EEF1B2: variants seen among roughly 807,000 people sequenced by gnomAD.
EEF1B2 encodes elongation factor 1-beta.
In EEF1B2, 12 loss-of-function variants were observed where a neutral mutation model predicts 28.3. The observed-to-expected ratio is 0.42, with a 90% CI of 0.27 to 0.69. The LOEUF (loss-of-function observed/expected upper bound fraction) is 0.69. Ranked by LOEUF, EEF1B2 falls within the 30% of genes least tolerant of loss-of-function variation. The pLI, the probability that EEF1B2 is intolerant of heterozygous loss-of-function variation, is 0.22. For missense variants in EEF1B2, 234 were observed against 272.6 expected, an observed-to-expected ratio of 0.86 and a Z score of 1.00; for synonymous variants, 83 against 99.9, an observed-to-expected ratio of 0.83 and a Z score of 1.01.
rs1208368398 is a variant in EEF1B2, at chr2:206,160,660, T to C, written c.153T>C (p.His51=). Residue 51 remains histidine, a synonymous_variant, in exon 2 of 6, where the codon CAT becomes CAC. Coordinates refer to ENST00000392222, the MANE Select transcript of EEF1B2 (RefSeq NM_001959.4). ...VSSPPPADLC[H]ALRWYNHIKS... ...GCCCACCGCCTGCCGACTTGTGTCA[T>C]GCCCTACGTTGGTATAATCACATCA... 6.2e-7 allele frequency: 1 copy of C among 1,614,032 alleles called. No homozygotes were observed. The highest frequency in any genetic ancestry group is 8.5e-7 in the Non-Finnish European group (1 of 1,180,042).
In EEF1B2 at chr2:206,160,070, G is replaced by C. The variant is rs758995000; in HGVS notation, c.80+11G>C. 1.9e-6 allele frequency: 3 copies of C among 1,609,814 alleles called. No individual in the cohort carries two copies. Among genetic ancestry groups the C allele is most frequent in the African/African-American group, 1.3e-5 (1 of 74,332 alleles). The stretch of plus-strand genomic sequence containing the variant: ...GAGCTACATCGAGGGGTGAGCGGAC[G>C]GGCTGAGTCGGGGTGGCGGGGAGGT... On this transcript the variant is annotated intron_variant, in intron 1 of 5. Transcript: ENST00000392222.
intron 3 of EEF1B2, 200 bp from the exon 4 acceptor site, chr2:206,161,838 G>T: frequency 1.4e-6 from 1 of 735,162 alleles, no homozygotes. Context: ...GCCTGGATTT[G>T]AATCCTGGCT....
rs368908316 is a variant in EEF1B2, at chr2:206,160,038, C to A, written c.59C>A (p.Ala20Glu). ...AGLQVLNDYL[A>E]DKSYIEGYVP... ...CTCCAGGTGCTCAACGATTACCTGG[C>A]GGACAAGAGCTACATCGAGGGGTGA... The change falls in exon 1 of 6, where the codon GCG becomes GAG. Residue 20 changes from alanine (A) to glutamate (E), a missense_variant. Around this residue, in one of 2 missense-constraint regions of EEF1B2, gnomAD observed 178 missense variants for 173.3 expected, o/e 1.03. Transcript: ENST00000392222. 33 of 1,613,164 alleles carry A rather than the reference C, an allele frequency of 2.0e-5. No homozygotes were observed. The highest frequency in any genetic ancestry group is 1.1e-4 in the South Asian group (10 of 91,038).
intron 4 of EEF1B2, 132 bp downstream of exon 4, chr2:206,162,236 C>G: frequency 9.1e-7 from 1 of 1,100,916 alleles, no homozygotes; most frequent in Non-Finnish European, 1.4e-6. Flanking sequence ...TCTTCCACAG[C>G]TACTGGTCTG....
rs755528110 is a variant in EEF1B2, at chr2:206,160,597, A to G, written c.90A>G (p.Pro30=). 5 of 1,614,066 alleles carry G rather than the reference A, an allele frequency of 3.1e-6. No individual in the cohort carries two copies. Among genetic ancestry groups the G allele is most frequent in the Non-Finnish European group, 4.2e-6 (5 of 1,180,012 alleles). ...TCTGTGTCCTTGGCAGGTATGTGCC[A>G]TCACAAGCAGATGTGGCAGTATTTG... The part of the protein sequence containing the change: ...ADKSYIEGYV[P]SQADVAVFEA... Residue 30 remains proline (P), a synonymous_variant, in exon 2 of 6, where the codon CCA becomes CCG. Coordinates refer to ENST00000392222, the MANE Select transcript of EEF1B2 (RefSeq NM_001959.4).
At chr2:206,160,162 G>GC (rs113729178) in intron 1 of EEF1B2, 103 bp downstream of exon 1, 1,411,046 of 1,411,166 alleles carry the variant, frequency 1, 705,463 homozygotes, top group Admixed American at 1. Context: ...GGGAGGCCGG[G>GC]CCCGGGGCCC....
At chr2:206,162,221 C>A in intron 4 of EEF1B2, 117 bp downstream of exon 4, 3 of 1,162,704 alleles carry the variant, frequency 2.6e-6, no homozygotes, top group Non-Finnish European at 3.9e-6. Context: ...AAAACCTGTA[C>A]AGGTTCTTCC....
chr2:206,159,680 T>G, upstream of EEF1B2: 1 of 271,188 alleles, frequency 3.7e-6, no homozygotes, highest in Non-Finnish European at 7.0e-6. Flanking sequence ...TCGGGAGCCG[T>G]GGAGGTACGA....
At chr2:206,159,892 G>T, upstream of EEF1B2, 2 of 1,474,094 alleles carry the variant, frequency 1.4e-6, no homozygotes, top group Non-Finnish European at 9.2e-7. Flanking sequence ...GGTCTCTTCG[G>T]GTCCTTTTTC....
intron 3 of EEF1B2, 43 bp downstream of exon 3, chr2:206,161,515 G>A (rs373447141): frequency 5.8e-5 from 93 of 1,607,574 alleles, no homozygotes; most frequent in Non-Finnish European, 7.6e-5. Context: ...AGGCGCAGTG[G>A]CTCATGCCTG....
intron 2 of EEF1B2, 65 bp downstream of exon 2, chr2:206,160,775 A>G (rs1687901758): frequency 1.2e-6 from 2 of 1,612,454 alleles, no homozygotes; most frequent in South Asian, 1.1e-5. Flanking sequence ...GGATGTTCAC[A>G]TGACAAAACT....
intron 1 of EEF1B2, 124 bp downstream of exon 1, chr2:206,160,183 G>A: frequency 7.9e-7 from 1 of 1,264,368 alleles, no homozygotes; most frequent in Non-Finnish European, 1.1e-6. Context: ...TTTCGAGAGG[G>A]AGGGGAAAGC....
At position 206,160,675 on chromosome 2, in the gene EEF1B2, T is replaced by C. The variant is rs747365373; in HGVS notation, c.168T>C (p.Tyr56=). 5.0e-6 allele frequency: 8 copies of C among 1,613,992 alleles called. No individual in the cohort carries two copies. The highest frequency in any genetic ancestry group is 5.9e-6 in the Non-Finnish European group (7 of 1,180,036). ...PADLCHALRW[Y]NHIKSYEKEK... The stretch of plus-strand genomic sequence containing the variant: ...ACTTGTGTCATGCCCTACGTTGGTA[T>C]AATCACATCAAGTCTTACGAAAAGG... Residue 56 remains tyrosine (Y), a synonymous_variant, in exon 2 of 6, where the codon TAT becomes TAC. Coordinates refer to ENST00000392222, the MANE Select transcript of EEF1B2 (RefSeq NM_001959.4).
At chr2:206,162,678 C>T in intron 5 of EEF1B2, 51 bp from the exon 6 acceptor site, 2 of 1,562,736 alleles carry the variant, frequency 1.3e-6, no homozygotes, top group Non-Finnish European at 8.6e-7. Flanking sequence ...ACAGTTTCAA[C>T]CTTTCCTACA....
At position 206,161,567 on chromosome 2, in the gene EEF1B2, G is replaced by C. The variant is rs961014772; in HGVS notation, c.330+95G>C. Reference sequence around the variant, plus strand: ...GGAGGCTGAGGCGGGTGGATCACGAGGTCAGGAGTTGAAGACCAGCCTGGC... The same window carrying C: ...GGAGGCTGAGGCGGGTGGATCACGACGTCAGGAGTTGAAGACCAGCCTGGC... On this transcript the variant is annotated intron_variant, in intron 3 of 5. Transcript: ENST00000392222. 5.2e-6 allele frequency: 8 copies of C among 1,538,298 alleles called. No individual in the cohort carries two copies. The Admixed American group carries it at 1.0e-4, about 20-fold the overall frequency.
In EEF1B2 at chr2:206,160,640, C is replaced by T; in HGVS notation, c.133C>T (p.Pro45Ser). ...AGTATTTGAAGCCGTGTCCAGCCCA[C>T]CGCCTGCCGACTTGTGTCATGCCCT... ...VAVFEAVSSP[P>S]PADLCHALRW... The change falls in exon 2 of 6, where the codon CCG (proline) becomes TCG (serine). Residue 45 changes from proline to serine, a missense_variant. Physicochemically the swap from Pro to Ser is moderately conservative, Grantham distance 74 (BLOSUM62 -1). Transcript: ENST00000392222. The T allele has an allele frequency of 6.2e-7, 1 of 1,614,090 alleles. No homozygotes were observed. Among genetic ancestry groups the T allele is most frequent in the Non-Finnish European group, 8.5e-7 (1 of 1,180,040 alleles).
At position 206,159,934 on chromosome 2, in the gene EEF1B2, G is replaced by C. The variant is rs1167638780; in HGVS notation, c.-46G>C. Reference sequence around the variant, plus strand: ...TCAGCGTGGGGCGCCCACAATTTGCGCGCTCTCTTTCTGCTGCTCCCCAGC... The same window carrying C: ...TCAGCGTGGGGCGCCCACAATTTGCCCGCTCTCTTTCTGCTGCTCCCCAGC... On this transcript the variant is annotated 5_prime_UTR_variant, in exon 1 of 6. Transcript: ENST00000392222. 1 of 1,595,816 alleles carries C rather than the reference G, an allele frequency of 6.3e-7. No individual in the cohort carries two copies. Among genetic ancestry groups the C allele is most frequent in the Non-Finnish European group, 8.5e-7 (1 of 1,173,106 alleles).
Position 206,159,945 on chromosome 2 carries a change from C to T in EEF1B2, c.-35C>T. ...CGCCCACAATTTGCGCGCTCTCTTT[C>T]TGCTGCTCCCCAGCTCTCGGATACA... On this transcript the variant is annotated 5_prime_UTR_variant, in exon 1 of 6. Transcript: ENST00000392222. 6.2e-7 allele frequency: 1 copy of T among 1,605,188 alleles called. No homozygotes were observed. The highest frequency in any genetic ancestry group is 8.5e-7 in the Non-Finnish European group (1 of 1,177,154).
At chr2:206,160,336 G>A (rs1307301497) in intron 1 of EEF1B2, among the ~76,000 whole-genome samples, 7 of 152,162 alleles carry the variant, frequency 4.6e-5, no homozygotes, top group Admixed American at 2.0e-4. Flanking sequence ...GTTAATACAT[G>A]TTAAGCTGTA....
Sources: gnomAD v4.1 joint callset for allele counts (sites outside exome capture counted in the v4.1 genomes callset) on GRCh38, gnomAD v4.1.1 for gene constraint, gnomAD v4.1.1 regional missense constraint, MANE v1.5 for transcripts, NCBI Gene and HGNC (gene_info 2026-07-23, HGNC 2026-07-21) for gene names.